The following MEGF6 variants were observed in gnomAD, a reference collection of about 807,000 sequenced individuals.
MEGF6 encodes the protein multiple EGF like domains 6, also known as multiple epidermal growth factor-like domains protein 6.
Under a neutral mutation model 207.1 loss-of-function variants are expected in MEGF6, and 184 were observed. That is an observed-to-expected ratio of 0.89 (90% confidence interval 0.79 to 1.00). MEGF6 has a LOEUF of 1.00. Among genes scored for constraint, MEGF6 ranks in the 50% least tolerant of loss-of-function variants. MEGF6 has a pLI of 0.00. For missense variants in MEGF6, 2,282 were observed against 2,202.9 expected, an observed-to-expected ratio of 1.04 and a Z score of -0.72; for synonymous variants, 1,038 against 910.0, an observed-to-expected ratio of 1.14 and a Z score of -2.53.
At chr1:3,602,640 C>A (rs879679278) in intron 1 of MEGF6, 40 bp from the exon 2 acceptor site, 2 of 1,571,760 alleles carry the variant, frequency 1.3e-6, no homozygotes, top group Admixed American at 1.8e-5. Flanking sequence ...TCGGCCACCC[C>A]CAGCCGGCAA....
At chr1:3,521,323 A>C (rs904846058) in intron 5 of MEGF6, among the ~76,000 whole-genome samples, 6 of 152,152 alleles carry the variant, frequency 3.9e-5, no homozygotes, top group African/African-American at 1.4e-4. Context: ...GAAGGGTCCC[A>C]AACTCCCCAG....
At chr1:3,558,062 G>A (rs2821063) in intron 4 of MEGF6, among the ~76,000 whole-genome samples, 48,290 of 152,004 alleles carry the variant, frequency 0.32, 8,306 homozygotes, top group African/African-American at 0.45. Flanking sequence ...CAGCCGGGCC[G>A]GTGGTCACGA....
Position 3,496,531 on chromosome 1 carries a change from C to A in MEGF6, c.3742+124G>T, listed in dbSNP as rs1335240071. On this transcript the variant is annotated intron_variant, in intron 29 of 36. Coordinates refer to ENST00000356575, the MANE Select transcript of MEGF6 (RefSeq NM_001409.4). ...TGGCTTAGCCCCACTTGGGGCCAGGCCCAGCCAGAGGGGGCTGAAGGGCAG... is the reference window on the plus strand; with the variant it reads ...TGGCTTAGCCCCACTTGGGGCCAGGACCAGCCAGAGGGGGCTGAAGGGCAG... 55 of 1,423,828 alleles carry A rather than the reference C, an allele frequency of 3.9e-5. 4 individuals are homozygous for A. The South Asian group carries it at 6.7e-4, about 17-fold the overall frequency. 88.2% of individuals were successfully genotyped at this position (1,423,828 alleles called of 1,614,324 possible).
intron 4 of MEGF6, among the ~76,000 whole-genome samples, chr1:3,576,218 C>T (rs1570172605): frequency 6.6e-6 from 1 of 152,250 alleles, no homozygotes; most frequent in East Asian, 1.9e-4. Flanking sequence ...GCTTTGTGCT[C>T]CCACGGCTCC....
chr1:3,565,404 G>A lies in MEGF6; in HGVS notation c.481+14421C>T, dbSNP rs1643315679. 6.6e-6 allele frequency among the ~76,000 whole-genome samples: 1 copy of A among 152,162 alleles called. No individual in the cohort carries two copies. Among genetic ancestry groups the A allele is most frequent in the Non-Finnish European group, 1.5e-5 (1 of 68,036 alleles). ...CCTGGTGCCTGCTCTGGCCTCTCAAGGCCACCAGGGGGTGCCAGCGCCCCA... is the reference window on the plus strand; with the variant it reads ...CCTGGTGCCTGCTCTGGCCTCTCAAAGCCACCAGGGGGTGCCAGCGCCCCA... On this transcript the variant is annotated intron_variant, in intron 4 of 36. Coordinates refer to ENST00000356575, the MANE Select transcript of MEGF6 (RefSeq NM_001409.4). The surrounding 1 kb of genome is among the most constrained non-coding windows in gnomAD (Gnocchi z 4.8).
intron 9 of MEGF6, among the ~76,000 whole-genome samples, chr1:3,511,185 G>T (rs1641332839): frequency 6.6e-6 from 1 of 152,262 alleles, no homozygotes. Flanking sequence ...TGTGGACAAG[G>T]TGTTGGGACT....
chr1:3,507,531 G>A (rs146640739), intron 14 of MEGF6, among the ~76,000 whole-genome samples: 97 of 152,254 alleles, frequency 6.4e-4, no homozygotes, highest in African/African-American at 2.2e-3. Context: ...TAGTCTTATC[G>A]TCTGCTACAG....
At chr1:3,615,599 A>G (rs1032572858), upstream of MEGF6, among the ~76,000 whole-genome samples, 9 of 152,252 alleles carry the variant, frequency 5.9e-5, no homozygotes, top group African/African-American at 2.2e-4. Context: ...TGTTCTTGGG[A>G]AGGCACCAGG....
intron 5 of MEGF6, among the ~76,000 whole-genome samples, chr1:3,518,752 T>TTGAG (rs568555507): frequency 9.4e-4 from 143 of 152,248 alleles, no homozygotes; most frequent in African/African-American, 3.2e-3. Flanking sequence ...TTTCTAGATC[T>TTGAG]TGAGTCTCCT....
intron 3 of MEGF6, among the ~76,000 whole-genome samples, chr1:3,593,304 C>T (rs572422441): frequency 2.0e-5 from 3 of 152,116 alleles, no homozygotes; most frequent in East Asian, 1.9e-4. Flanking sequence ...TTACTGCTGA[C>T]GCAGGTGAAC....
intron 4 of MEGF6, among the ~76,000 whole-genome samples, chr1:3,557,307 A>G (rs1643064282): frequency 6.6e-6 from 1 of 152,238 alleles, no homozygotes; most frequent in South Asian, 2.1e-4. Context: ...TCATGGCAGC[A>G]AAAGAAAAAT....
chr1:3,503,723 T>C (rs1469338474), intron 17 of MEGF6, among the ~76,000 whole-genome samples: 1 of 147,924 alleles, frequency 6.8e-6, no homozygotes, highest in African/African-American at 2.5e-5. Flanking sequence ...GTGTAAGTGG[T>C]GTGTGCATGT....
chr1:3,511,416 G>A (rs1048613269), intron 9 of MEGF6, 134 bp downstream of exon 9: 7 of 1,164,554 alleles, frequency 6.0e-6, no homozygotes, highest in Non-Finnish European at 8.1e-6. Flanking sequence ...CCCCGCCAGG[G>A]CCCAGGCAGC....
At chr1:3,523,571 C>T (rs930946174) in intron 5 of MEGF6, among the ~76,000 whole-genome samples, 2 of 152,198 alleles carry the variant, frequency 1.3e-5, no homozygotes, top group Admixed American at 6.5e-5. Flanking sequence ...ACAGCCCACA[C>T]CCTCCAGGCT....
At chr1:3,518,460 G>C (rs1389673408) in intron 5 of MEGF6, among the ~76,000 whole-genome samples, 1 of 152,230 alleles carries the variant, frequency 6.6e-6, no homozygotes. Context: ...TTCCGTCTGA[G>C]CTGCCTTGGT....
In MEGF6 at chr1:3,525,344, G is replaced by A. The variant is rs539203410; in HGVS notation, c.482-1098C>T. 2.6e-5 allele frequency among the ~76,000 whole-genome samples: 4 copies of A among 152,370 alleles called. No individual in the cohort carries two copies. In the South Asian group the frequency reaches 8.3e-4, roughly 32 times the overall value. ...CACTCAAAGGCGGTAGAGGGGAGTA[G>A]GAGAGCAGGAAGGGGTCGAGAGCAG... On this transcript the variant is annotated intron_variant, in intron 4 of 36. Transcript: ENST00000356575.
intron 1 of MEGF6, among the ~76,000 whole-genome samples, chr1:3,605,689 T>C (rs1363711263): frequency 1.5e-5 from 2 of 133,860 alleles, no homozygotes; most frequent in African/African-American, 5.4e-5. Context: ...CGCACACACA[T>C]ATGCACTCTC....
chr1:3,500,986 G>A lies in MEGF6; in HGVS notation c.2555C>T (p.Thr852Ile), dbSNP rs770224020. Residue 852 changes from threonine to isoleucine, a missense_variant, in exon 20 of 37, where the codon ACC (threonine) becomes ATC (isoleucine). Thr to Ile is a moderately conservative substitution (Grantham distance 89, BLOSUM62 -1). Transcript: ENST00000356575. ...TGHCSCAPGW[T>I]GFSCQRACDT... is the part of the protein sequence containing the mutation. ...CGTACCTCTCTGGCAGCTAAAGCCGGTCCACCCGGGGGCACAGCTGCAGTG... is the reference window on the plus strand; with the variant it reads ...CGTACCTCTCTGGCAGCTAAAGCCGATCCACCCGGGGGCACAGCTGCAGTG... 6.2e-7 allele frequency: 1 copy of A among 1,612,074 alleles called. No individual in the cohort carries two copies. The highest frequency in any genetic ancestry group is 2.2e-5 in the East Asian group (1 of 44,880).
In MEGF6 at chr1:3,490,263, C is replaced by T; in HGVS notation, c.*265G>A. The T allele has an allele frequency of 3.8e-6, 2 of 531,452 alleles. No homozygotes were observed. Among genetic ancestry groups the T allele is most frequent in the Non-Finnish European group, 6.6e-6 (2 of 303,294 alleles). 32.9% of individuals were successfully genotyped at this position (531,452 alleles called of 1,614,324 possible). A position where few individuals can be genotyped will look rare whatever the true frequency, so the allele number is the denominator to read the frequency against. On this transcript the variant is annotated 3_prime_UTR_variant, in exon 37 of 37. Transcript: ENST00000356575. ...GCGGGGAGAGCGGGACTTCCTCAGCCCAGGCCCAGAGCGTGCCCCTGGGTT... is the reference window on the plus strand; with the variant it reads ...GCGGGGAGAGCGGGACTTCCTCAGCTCAGGCCCAGAGCGTGCCCCTGGGTT...
Sources: gnomAD v4.1 joint callset for allele counts (sites outside exome capture counted in the v4.1 genomes callset) on GRCh38, gnomAD v4.1.1 for gene constraint, Gnocchi (gnomAD v3.1) non-coding constraint, MANE v1.5 for transcripts, NCBI Gene and HGNC (gene_info 2026-07-23, HGNC 2026-07-21) for gene names.